The following PCDHGA6 variants were observed in gnomAD, a reference collection of about 807,000 sequenced individuals.
PCDHGA6 encodes the protein protocadherin gamma-A6.
A neutral mutation model predicts 60.6 loss-of-function variants in PCDHGA6; 41 were observed. That is an observed-to-expected ratio of 0.68 (90% CI 0.53 to 0.88). The LOEUF (loss-of-function observed/expected upper bound fraction) is 0.88, where lower values mean the gene tolerates loss of function less well. Ranked by LOEUF, PCDHGA6 falls within the 40% of genes least tolerant of loss-of-function variation. PCDHGA6 has a pLI of 0.00. For synonymous variants in PCDHGA6, 594 were observed against 524.4 expected, an observed-to-expected ratio of 1.13 and a Z score of -1.81; for missense variants, 1,312 against 1,203.0, an observed-to-expected ratio of 1.09 and a Z score of -1.34.
At chr5:141,508,029 A>C (rs941166006) in intron 3 of PCDHGA6, 10 of 152,264 alleles carry the variant, frequency 6.6e-5, no homozygotes, top group African/African-American at 2.4e-4. Flanking sequence ...TGCGGTTTGC[A>C]GCTCAGCCAG....
At chr5:141,442,452 CA>C (rs2098325918) in intron 1 of PCDHGA6, 1 of 152,226 alleles carries the variant, frequency 6.6e-6, no homozygotes, top group Admixed American at 6.5e-5. Flanking sequence ...GACTCAATAG[CA>C]GTTTCACTGC....
intron 1 of PCDHGA6, chr5:141,383,834 C>T: frequency 2.5e-6 from 4 of 1,613,906 alleles, no homozygotes; most frequent in Non-Finnish European, 3.4e-6. Context: ...TATGAAGAAA[C>T]TGCCTTCTAT....
At chr5:141,442,309 G>C (rs1483682583) in intron 1 of PCDHGA6, 1 of 152,418 alleles carries the variant, frequency 6.6e-6, no homozygotes, top group Non-Finnish European at 1.5e-5. Flanking sequence ...TCTTTCCCAC[G>C]GATGTCTATC....
chr5:141,470,828 C>A (rs1328067769), intron 1 of PCDHGA6, among the ~76,000 whole-genome samples: 1 of 151,994 alleles, frequency 6.6e-6, no homozygotes, highest in Non-Finnish European at 1.5e-5. Flanking sequence ...GTTAGGACGA[C>A]AAACACACGC....
chr5:141,427,294 A>G (rs1239553754), intron 1 of PCDHGA6: 6 of 456,876 alleles, frequency 1.3e-5, no homozygotes, highest in Non-Finnish European at 2.2e-5. Context: ...GAAATCCTAG[A>G]TGAGAATGAC....
chr5:141,376,977 G>T (rs529935042), intron 1 of PCDHGA6: 1 of 157,454 alleles, frequency 6.4e-6, no homozygotes, highest in Admixed American at 6.2e-5. Flanking sequence ...GTGAGCCACC[G>T]CGCCCGGCCG....
Position 141,462,050 on chromosome 5 carries a change from C to T in PCDHGA6, c.2425-32757C>T, listed in dbSNP as rs146056741. On this transcript the variant is annotated intron_variant, in intron 1 of 3. Coordinates refer to ENST00000517434, the MANE Select transcript of PCDHGA6 (RefSeq NM_018919.3). ...GTTGGTCAGGCGGGTCTTGAACTCC[C>T]GACCTCAGGTGATCTGCCCGCCTTG... is the stretch of plus-strand genomic sequence containing the variant. 5.5e-3 allele frequency among the ~76,000 whole-genome samples: 830 copies of T among 151,978 alleles called. 23 individuals are homozygous for T. The East Asian group carries it at 0.095, about 17-fold the overall frequency.
Position 141,477,966 on chromosome 5 carries a change from G to A in PCDHGA6, c.2425-16841G>A, listed in dbSNP as rs2099426792. 6.2e-7 allele frequency: 1 copy of A among 1,614,118 alleles called. No individual in the cohort carries two copies. The highest frequency in any genetic ancestry group is 8.5e-7 in the Non-Finnish European group (1 of 1,180,036). ...AGTCTCTTGGGATCCCCTAACCAGAGCCTTTTTGCCATAGGGCTGCACACT... is the reference window on the plus strand; with the variant it reads ...AGTCTCTTGGGATCCCCTAACCAGAACCTTTTTGCCATAGGGCTGCACACT... On this transcript the variant is annotated intron_variant, in intron 1 of 3. Transcript: ENST00000517434. This position sits in a 1 kb window ranked among gnomAD's most constrained non-coding sequence, Gnocchi z 4.9.
chr5:141,400,491 T>A, intron 1 of PCDHGA6: 1 of 1,614,080 alleles, frequency 6.2e-7, no homozygotes, highest in Non-Finnish European at 8.5e-7. Flanking sequence ...TTCCACTTTG[T>A]AATTCCAGCG....
chr5:141,425,371 G>T (rs1396857898), intron 1 of PCDHGA6, among the ~76,000 whole-genome samples: 3 of 152,186 alleles, frequency 2.0e-5, no homozygotes, highest in African/African-American at 7.2e-5. Context: ...AGAGGGTTAT[G>T]TTGATTCGGA....
At chr5:141,384,039 T>C in intron 1 of PCDHGA6, 1 of 1,612,888 alleles carries the variant, frequency 6.2e-7, no homozygotes, top group East Asian at 2.2e-5. Flanking sequence ...GAAAGAATGG[T>C]GAGGTGACCT....
intron 2 of PCDHGA6, among the ~76,000 whole-genome samples, chr5:141,498,710 T>C (rs2099785302): frequency 1.3e-5 from 2 of 152,108 alleles, no homozygotes. Flanking sequence ...GGTGGGTGGA[T>C]CACCTGAGGT....
chr5:141,433,017 A>G, intron 1 of PCDHGA6: 2 of 1,614,124 alleles, frequency 1.2e-6, no homozygotes, highest in Non-Finnish European at 8.5e-7. Context: ...CTGCAGACCT[A>G]TTCCCACGAG....
chr5:141,492,386 G>C (rs1343104703), intron 1 of PCDHGA6, among the ~76,000 whole-genome samples: 1 of 152,202 alleles, frequency 6.6e-6, no homozygotes, highest in African/African-American at 2.4e-5. Context: ...GCCTGTTCCG[G>C]TCCACTCGCA....
At chr5:141,406,072 C>CTT (rs530474569) in intron 1 of PCDHGA6, among the ~76,000 whole-genome samples, 28 of 141,510 alleles carry the variant, frequency 2.0e-4, no homozygotes, top group East Asian at 4.1e-4. Context: ...ATTCTTACTC[C>CTT]TTTTTTTTTT....
In PCDHGA6 at chr5:141,385,021, G is replaced by A. The variant is rs556987681; in HGVS notation, c.2424+8514G>A. On this transcript the variant is annotated intron_variant, in intron 1 of 3. Coordinates refer to ENST00000517434, the MANE Select transcript of PCDHGA6 (RefSeq NM_018919.3). ...AGTCTCCTGCGTCTTCCTAGCCTTC[G>A]TCCTCGTACTGCTGGCGCTCAGGCT... 4.4e-5 allele frequency: 71 copies of A among 1,614,120 alleles called. No individual in the cohort carries two copies. The East Asian group carries it at 1.5e-3, about 35-fold the overall frequency.
chr5:141,396,695 T>G (rs920549434), intron 1 of PCDHGA6: 1 of 152,226 alleles, frequency 6.6e-6, no homozygotes, highest in Non-Finnish European at 1.5e-5. Context: ...CATACCTTCT[T>G]GTAGCATTTG....
intron 1 of PCDHGA6, chr5:141,427,050 G>A (rs974721070): frequency 4.4e-6 from 2 of 457,372 alleles, no homozygotes; most frequent in Non-Finnish European, 4.4e-6. Flanking sequence ...TGTGCCCCCA[G>A]GCACCTCTGT....
Position 141,477,100 on chromosome 5 carries a change from C to T in PCDHGA6, c.2425-17707C>T, listed in dbSNP as rs970613825. Reference sequence around the variant, plus strand: ...TTTACATCCAGGCCAAAGACAAGGGCGCCAATCCCGAAGGAGCACATTGCA... The same window carrying T: ...TTTACATCCAGGCCAAAGACAAGGGTGCCAATCCCGAAGGAGCACATTGCA... On this transcript the variant is annotated intron_variant, in intron 1 of 3. Transcript: ENST00000517434. The surrounding 1 kb of genome is among the most constrained non-coding windows in gnomAD (Gnocchi z 4.9). 1 of 1,614,098 alleles carries T rather than the reference C, an allele frequency of 6.2e-7. No homozygotes were observed. Among genetic ancestry groups the T allele is most frequent in the African/African-American group, 1.3e-5 (1 of 74,932 alleles).
Sources: allele counts gnomAD v4.1 joint callset (sites outside exome capture counted in the v4.1 genomes callset), GRCh38; gene constraint gnomAD v4.1.1; non-coding constraint Gnocchi (gnomAD v3.1); transcripts MANE v1.5; gene names NCBI Gene and HGNC (gene_info 2026-07-23, HGNC 2026-07-21).